The following TTC3 variants were observed in gnomAD, a reference collection of about 807,000 sequenced individuals.
TTC3 encodes the protein tetratricopeptide repeat domain 3, also known as E3 ubiquitin-protein ligase TTC3.
In TTC3, 180 loss-of-function variants were observed where a neutral mutation model predicts 249.6. That is an observed-to-expected ratio of 0.72 (90% CI 0.64 to 0.82). The LOEUF (loss-of-function observed/expected upper bound fraction) is 0.82, where lower values mean the gene tolerates loss of function less well. TTC3 is among the 40% of genes least tolerant of loss of function. TTC3 has a pLI of 0.00. For missense variants in TTC3, 2,061 were observed against 2,398.4 expected (o/e 0.86, Z 2.94); for synonymous variants, 717 against 805.0 (o/e 0.89, Z 1.85).
chr21:37,101,074 A>G (rs533479912), intron 10 of TTC3: 4 of 152,322 alleles, frequency 2.6e-5, no homozygotes, highest in African/African-American at 7.2e-5. Flanking sequence ...TGTAAGGGCA[A>G]ATGTTAATTG....
At chr21:37,096,583 C>G (rs369083706) in exon 10 of TTC3, 1 of 1,609,820 alleles carries the variant, frequency 6.2e-7, no homozygotes, top group African/African-American at 1.3e-5. Flanking sequence ...TTTTTAAGAC[C>G]TGAAAACTAC....
At chr21:37,152,461 A>C (rs1439269859) in intron 26 of TTC3, among the ~76,000 whole-genome samples, 1 of 146,814 alleles carries the variant, frequency 6.8e-6, no homozygotes, top group Non-Finnish European at 1.5e-5. Flanking sequence ...ATCTCGGCTC[A>C]CTGCAAGCTC....
rs949202115 is a variant in TTC3, at chr21:37,172,840, T to C, written c.4617+96T>C. ...GTGCGGCCTCAGCTGAACTTCTGCA[T>C]TGGTGGCTAAACAAAAGATTCTTTC... On this transcript the variant is annotated intron_variant, in intron 35 of 45. Transcript: ENST00000355666. 23 of 1,398,564 alleles carry C rather than the reference T, an allele frequency of 1.6e-5. No homozygotes were observed. The African/African-American group carries it at 1.8e-4, about 11-fold the overall frequency. The allele number at this position is 1,398,564 out of a possible 1,614,324, so 86.6% of individuals were successfully genotyped here.
intron 11 of TTC3, among the ~76,000 whole-genome samples, chr21:37,119,868 T>C (rs1301115974): frequency 6.6e-6 from 1 of 152,168 alleles, no homozygotes; most frequent in African/African-American, 2.4e-5. Flanking sequence ...AAAAAGACTT[T>C]TACCATGTAG....
intron 11 of TTC3, among the ~76,000 whole-genome samples, chr21:37,116,653 T>A (rs2076166300): frequency 6.6e-6 from 1 of 151,722 alleles, no homozygotes; most frequent in African/African-American, 2.4e-5. Context: ...TACAAAAAAA[T>A]TTTAAAAAAT....
intron 18 of TTC3, 39 bp from the exon 19 acceptor site, chr21:37,138,595 T>G: frequency 6.8e-7 from 1 of 1,471,920 alleles, no homozygotes; most frequent in East Asian, 2.3e-5. Context: ...TTGGGCAGAA[T>G]TATATTCAGA....
intron 2 of TTC3, 128 bp from the exon 3 acceptor site, chr21:37,087,705 C>A: frequency 1.2e-6 from 1 of 802,370 alleles, no homozygotes. Context: ...GACTCTTTGG[C>A]TGAAGATGTG....
chr21:37,182,990 T>C, intron 36 of TTC3, 77 bp downstream of exon 36: 1 of 1,226,220 alleles, frequency 8.2e-7, no homozygotes, highest in Admixed American at 3.2e-5. Context: ...ACATTTTTGA[T>C]ATTTAATATT....
Position 37,113,196 on chromosome 21 carries a change from A to G in TTC3, c.900+4750A>G, listed in dbSNP as rs920104622. On this transcript the variant is annotated intron_variant, in intron 11 of 45. Coordinates refer to ENST00000355666, the Ensembl canonical transcript of TTC3. Reference sequence around the variant, plus strand: ...AGTGTTGGAAGTTCTGGCCAGGGCAATCACGCAGAAGGAAATAAAGGGCAT... The same window carrying G: ...AGTGTTGGAAGTTCTGGCCAGGGCAGTCACGCAGAAGGAAATAAAGGGCAT... 4.9e-4 allele frequency among the ~76,000 whole-genome samples: 74 copies of G among 152,352 alleles called. 2 individuals carry two copies. The highest frequency in any genetic ancestry group is 1.0e-3 in the South Asian group (5 of 4,830).
At position 37,153,054 on chromosome 21, in the gene TTC3, C is replaced by T. The variant is rs752835062; in HGVS notation, c.2517C>T (p.Ala839=). The change falls in exon 27 of 46, where the codon GCC becomes GCT. Residue 839 remains alanine, a synonymous_variant. Coordinates refer to ENST00000355666, the Ensembl canonical transcript of TTC3. ...TTAAATCCGGCATACAGAATACAGC[C>T]ATGCTTCTCAAAGAATTGCTTTCTT... is the stretch of plus-strand genomic sequence containing the variant. 24 of 1,613,812 alleles carry T rather than the reference C, an allele frequency of 1.5e-5. No homozygotes were observed. In the South Asian group the frequency reaches 2.4e-4, roughly 16 times the overall value.
intron 26 of TTC3, 63 bp from the exon 27 acceptor site, chr21:37,152,888 C>T: frequency 1.5e-6 from 2 of 1,309,132 alleles, no homozygotes; most frequent in Non-Finnish European, 1.0e-6. Context: ...TTTGTTATTT[C>T]TAAGTTTATG....
At chr21:37,183,745 A>T (rs945819057) in intron 36 of TTC3, among the ~76,000 whole-genome samples, 1 of 152,232 alleles carries the variant, frequency 6.6e-6, no homozygotes, top group South Asian at 2.1e-4. Context: ...CTCTATTATG[A>T]TAGCCAGACT....
intron 11 of TTC3, among the ~76,000 whole-genome samples, chr21:37,117,031 T>A (rs1473353257): frequency 1.4e-5 from 2 of 140,946 alleles, no homozygotes; most frequent in African/African-American, 5.1e-5. Context: ...GGAGTTTATT[T>A]TGTTTAATTT....
At chr21:37,134,019 A>G (rs2077701369) in intron 17 of TTC3, among the ~76,000 whole-genome samples, 1 of 152,222 alleles carries the variant, frequency 6.6e-6, no homozygotes, top group Admixed American at 6.5e-5. Flanking sequence ...TTGTAGGGCT[A>G]GTATATCATC....
chr21:37,111,950 C>G (rs955425641), intron 11 of TTC3, among the ~76,000 whole-genome samples: 6 of 27,106 alleles, frequency 2.2e-4, no homozygotes, highest in African/African-American at 9.3e-4. Context: ...TGAATGACTA[C>G]TGGGTACTTA....
exon 46 of TTC3, chr21:37,201,764 C>A: frequency 1.4e-6 from 1 of 738,824 alleles, no homozygotes; most frequent in Non-Finnish European, 2.1e-6. Flanking sequence ...TTGATGATTG[C>A]CAACAGTGGC....
chr21:37,110,482 A>G (rs571228913), intron 11 of TTC3, among the ~76,000 whole-genome samples: 6 of 152,340 alleles, frequency 3.9e-5, no homozygotes, highest in South Asian at 2.1e-4. Context: ...AATGAATGAA[A>G]TGAAGCATGA....
chr21:37,199,739 T>C (rs1262037277), intron 44 of TTC3, among the ~76,000 whole-genome samples: 1 of 152,242 alleles, frequency 6.6e-6, no homozygotes, highest in African/African-American at 2.4e-5. Flanking sequence ...AAGTGAGTTA[T>C]ATATGATACA....
intron 35 of TTC3, among the ~76,000 whole-genome samples, chr21:37,178,151 G>A (rs2082432556): frequency 6.6e-6 from 1 of 152,160 alleles, no homozygotes; most frequent in Admixed American, 6.5e-5. Context: ...ATGTATCAGT[G>A]TGTCATTCCT....
Sources: gnomAD v4.1 joint callset for allele counts (sites outside exome capture counted in the v4.1 genomes callset) on GRCh38, gnomAD v4.1.1 for gene constraint, MANE v1.5 for transcripts, NCBI Gene and HGNC (gene_info 2026-07-23, HGNC 2026-07-21) for gene names.